BTC: variants seen among roughly 807,000 people sequenced by gnomAD.
The protein encoded by BTC is betacellulin.
Under a neutral mutation model 18.1 loss-of-function variants are expected in BTC, and 13 were observed. That is an observed-to-expected ratio of 0.72 (90% CI 0.47 to 1.14). The LOEUF (loss-of-function observed/expected upper bound fraction) is 1.14, where lower values mean the gene tolerates loss of function less well. Ranked by LOEUF, BTC falls within the 50% of genes most tolerant of loss-of-function variation. BTC has a pLI of 0.00. For synonymous variants in BTC, 83 were observed against 79.4 expected (o/e 1.05, Z -0.24); for missense variants, 247 against 224.2 (o/e 1.10, Z -0.65).
chr4:74,766,446 G>A (rs893213687), intron 2 of BTC, among the ~76,000 whole-genome samples: 1 of 151,438 alleles, frequency 6.6e-6, no homozygotes, highest in Non-Finnish European at 1.5e-5. Flanking sequence ...TCTATTTTTT[G>A]TACTTTTAAA....
At chr4:74,768,915 T>C (rs1724968829) in intron 2 of BTC, among the ~76,000 whole-genome samples, 2 of 152,130 alleles carry the variant, frequency 1.3e-5, no homozygotes. Flanking sequence ...ACACATAAAG[T>C]TGGCCTTGTT....
At position 74,745,403 on chromosome 4, in the gene BTC, C is replaced by T. The variant is rs1553955310; in HGVS notation, c.*1274G>A. On this transcript the variant is annotated 3_prime_UTR_variant, in exon 6 of 6. Coordinates refer to ENST00000395743, the MANE Select transcript of BTC (RefSeq NM_001729.4). ...TGCAAAGATTCTAAAAAAGAAGCTG[C>T]TTGGCCGACAGGCACAAGTTGGGGG... 1 of 152,192 alleles carries T rather than the reference C, an allele frequency of 6.6e-6. No individual in the cohort carries two copies. Among genetic ancestry groups the T allele is most frequent in the African/African-American group, 2.4e-5 (1 of 41,458 alleles). The allele number at this position is 152,192 out of a possible 1,614,324, so 9.4% of individuals were successfully genotyped here.
intron 1 of BTC, among the ~76,000 whole-genome samples, chr4:74,773,831 T>G (rs1428373190): frequency 6.6e-6 from 1 of 152,010 alleles, no homozygotes; most frequent in Non-Finnish European, 1.5e-5. Context: ...AGGCTGGTCT[T>G]GAACTCCTGA....
intron 1 of BTC, among the ~76,000 whole-genome samples, chr4:74,786,210 C>T (rs10009647): frequency 0.18 from 26,913 of 152,044 alleles, 3,918 homozygotes; most frequent in African/African-American, 0.41. Context: ...GTGTAAGTGT[C>T]CTGAAAGTGC....
intron 2 of BTC, among the ~76,000 whole-genome samples, chr4:74,762,436 AAG>A (rs1158438193): frequency 3.9e-5 from 6 of 152,172 alleles, no homozygotes; most frequent in Non-Finnish European, 8.8e-5. Context: ...TATATACATA[AAG>A]CACTCAGAAC....
chr4:74,752,423 G>C (rs1377418928), intron 3 of BTC, among the ~76,000 whole-genome samples: 1 of 144,898 alleles, frequency 6.9e-6, no homozygotes, highest in Non-Finnish European at 1.5e-5. Flanking sequence ...TCTGTAGCCA[G>C]GCTGGAGTGC....
At chr4:74,772,366 T>C (rs954590992) in intron 1 of BTC, among the ~76,000 whole-genome samples, 2 of 152,166 alleles carry the variant, frequency 1.3e-5, no homozygotes, top group East Asian at 3.8e-4. Context: ...TTAGAACAAA[T>C]AGAAACAAAC....
intron 3 of BTC, among the ~76,000 whole-genome samples, chr4:74,751,757 A>G (rs1724467930): frequency 6.6e-6 from 1 of 152,238 alleles, no homozygotes. Flanking sequence ...AAGTTTGGGG[A>G]CATTTTAACC....
intron 1 of BTC, among the ~76,000 whole-genome samples, chr4:74,786,432 A>C (rs1725479842): frequency 6.6e-6 from 1 of 152,208 alleles, no homozygotes; most frequent in Non-Finnish European, 1.5e-5. Context: ...ATGTAATACT[A>C]AATAAGCTAG....
chr4:74,755,757 C>A, intron 3 of BTC, 102 bp downstream of exon 3: 1 of 1,105,936 alleles, frequency 9.0e-7, no homozygotes, highest in South Asian at 1.4e-5. Context: ...GAACTGTGTT[C>A]GGACAGATGG....
chr4:74,775,600 T>G (rs182417580), intron 1 of BTC, among the ~76,000 whole-genome samples: 1 of 152,210 alleles, frequency 6.6e-6, no homozygotes, highest in Non-Finnish European at 1.5e-5. Context: ...GAAATTTCAA[T>G]CTCTTCCGAA....
chr4:74,794,302 G>T lies in BTC; in HGVS notation c.24C>A (p.Ser8Arg). MDRAARC[S>R]GASSLPLLLA... ...GGAGCAGTGGCAGGGAGCTGGCGCC[G>T]CTGCACCGGGCGGCCCGGTCCATCA... The change falls in exon 1 of 6, where the codon AGC becomes AGA. Residue 8 changes from serine (S) to arginine (R), a missense_variant. Physicochemically the swap from Ser to Arg is moderately radical, Grantham distance 110. Transcript: ENST00000395743. The T allele has an allele frequency of 6.5e-7, 1 of 1,548,364 alleles. No homozygotes were observed.
intron 5 of BTC, among the ~76,000 whole-genome samples, chr4:74,747,553 T>C (rs907565745): frequency 6.6e-6 from 1 of 152,172 alleles, no homozygotes; most frequent in Non-Finnish European, 1.5e-5. Context: ...AGACTCAGTA[T>C]ACCTTTTCTT....
chr4:74,747,331 C>T (rs1463910197), intron 5 of BTC, among the ~76,000 whole-genome samples: 5 of 152,140 alleles, frequency 3.3e-5, no homozygotes, highest in Non-Finnish European at 7.4e-5. Context: ...TGCTGAAGAT[C>T]CGAAGGCGAA....
intron 2 of BTC, among the ~76,000 whole-genome samples, chr4:74,757,150 G>A (rs1318335598): frequency 6.6e-6 from 1 of 152,086 alleles, no homozygotes. Flanking sequence ...GTTTGGTATG[G>A]CACCTGGCAT....
chr4:74,774,408 A>G (rs1725123799), intron 1 of BTC, among the ~76,000 whole-genome samples: 1 of 152,206 alleles, frequency 6.6e-6, no homozygotes, highest in African/African-American at 2.4e-5. Context: ...ACATTTGAAT[A>G]CCAGAAGAAA....
At chr4:74,759,209 A>C (rs1341890238) in intron 2 of BTC, among the ~76,000 whole-genome samples, 1 of 152,170 alleles carries the variant, frequency 6.6e-6, no homozygotes, top group African/African-American at 2.4e-5. Context: ...GATATTTATC[A>C]AGAAGAAGGA....
chr4:74,765,461 T>C (rs963059646), intron 2 of BTC, among the ~76,000 whole-genome samples: 3 of 152,026 alleles, frequency 2.0e-5, no homozygotes, highest in Non-Finnish European at 2.9e-5. Context: ...AAAAGAATTT[T>C]AGCAAGTGAA....
intron 2 of BTC, among the ~76,000 whole-genome samples, chr4:74,756,675 C>T (rs573043161): frequency 2.0e-5 from 3 of 152,300 alleles, no homozygotes; most frequent in African/African-American, 7.2e-5. Context: ...CCTGATGCAT[C>T]CACAAGTCAC....
Sources: gnomAD v4.1 joint callset for allele counts (sites outside exome capture counted in the v4.1 genomes callset) on GRCh38, gnomAD v4.1.1 for gene constraint, MANE v1.5 for transcripts, NCBI Gene and HGNC (gene_info 2026-07-23, HGNC 2026-07-21) for gene names.